ADGRV1: variants seen among roughly 807,000 people sequenced by gnomAD.
ADGRV1 encodes the protein adhesion G protein-coupled receptor V1.
Under a neutral mutation model 596.2 loss-of-function variants are expected in ADGRV1, and 359 were observed. The observed-to-expected ratio is 0.60, with a 90% CI of 0.55 to 0.66. The LOEUF is 0.66. Ranked by LOEUF, ADGRV1 falls within the 30% of genes least tolerant of loss-of-function variation. ADGRV1 has a pLI of 0.00. For missense variants in ADGRV1, 7,274 were observed against 7,575.6 expected, an observed-to-expected ratio of 0.96 and a Z score of 1.48; for synonymous variants, 2,681 against 2,679.2, an observed-to-expected ratio of 1.00 and a Z score of -0.02.
intron 86 of ADGRV1, among the ~76,000 whole-genome samples, chr5:91,081,089 G>T (rs769041148): frequency 1.3e-5 from 2 of 152,086 alleles, no homozygotes; most frequent in African/African-American, 4.8e-5. Flanking sequence ...AGATCAAGGC[G>T]TCAGCTGATT....
intron 85 of ADGRV1, among the ~76,000 whole-genome samples, chr5:91,056,506 G>A (rs775036223): frequency 9.9e-5 from 15 of 152,042 alleles, no homozygotes; most frequent in East Asian, 1.9e-4. Context: ...ACTTCAAAAC[G>A]ACAATTTTTT....
chr5:90,692,671 A>G lies in ADGRV1; in HGVS notation c.7018A>G (p.Ile2340Val), dbSNP rs1245323862. 1.2e-6 allele frequency: 2 copies of G among 1,611,434 alleles called. No homozygotes were observed. The highest frequency in any genetic ancestry group is 1.7e-6 in the Non-Finnish European group (2 of 1,178,796). The part of the protein sequence containing the change: ...GTIGLDRIAN[I>V]IIPANDDPYG... Reference sequence around the variant, plus strand: ...TATTGGGTTAGATCGAATTGCAAATATTATTATTCCTGCCAATGATGATCC... The same window carrying G: ...TATTGGGTTAGATCGAATTGCAAATGTTATTATTCCTGCCAATGATGATCC... The change falls in exon 32 of 90, where the codon ATT becomes GTT. Residue 2340 changes from isoleucine to valine, a missense_variant. Physicochemically the swap from Ile to Val is conservative, Grantham distance 29. Coordinates refer to ENST00000405460, the MANE Select transcript of ADGRV1 (RefSeq NM_032119.4).
At chr5:90,851,697 G>C (rs1766549260) in intron 79 of ADGRV1, among the ~76,000 whole-genome samples, 1 of 152,218 alleles carries the variant, frequency 6.6e-6, no homozygotes, top group African/African-American at 2.4e-5. Flanking sequence ...AAAGCAGACT[G>C]TGGGATTGAT....
At position 91,098,526 on chromosome 5, in the gene ADGRV1, G is replaced by T. The variant is rs146340407; in HGVS notation, c.18311-3693G>T. ...CCCACAAAATCTGGATATGCCTCTG[G>T]ATATGTTTCTTCTATCTGAAATCAT... On this transcript the variant is annotated intron_variant, in intron 86 of 89. Transcript: ENST00000405460. 6.5e-3 allele frequency among the ~76,000 whole-genome samples: 983 copies of T among 152,268 alleles called. 11 individuals carry two copies. Among genetic ancestry groups the T allele is most frequent in the South Asian group, 0.035 (167 of 4,832 alleles).
chr5:90,636,346 T>C (rs1474697391), intron 10 of ADGRV1, among the ~76,000 whole-genome samples: 1 of 152,230 alleles, frequency 6.6e-6, no homozygotes, highest in East Asian at 1.9e-4. Context: ...CAAAGCCTTA[T>C]GTTAAAATAT....
chr5:90,924,562 T>C (rs1774228821), intron 83 of ADGRV1, among the ~76,000 whole-genome samples: 2 of 151,096 alleles, frequency 1.3e-5, no homozygotes, highest in South Asian at 4.2e-4. Flanking sequence ...GTTGTGAAAA[T>C]TTTCTCCCAT....
intron 45 of ADGRV1, 39 bp downstream of exon 45, chr5:90,721,098 A>C: frequency 6.4e-7 from 1 of 1,572,568 alleles, no homozygotes; most frequent in Non-Finnish European, 8.7e-7. Flanking sequence ...TTCTGTAACG[A>C]AAAAATATTG....
chr5:90,651,512 A>G (rs956955045), intron 17 of ADGRV1, 92 bp from the exon 18 acceptor site: 6 of 1,118,722 alleles, frequency 5.4e-6, no homozygotes, highest in Admixed American at 3.0e-5. Flanking sequence ...GAAATTTTCA[A>G]CTTAATTGTA....
chr5:90,845,027 G>T (rs1249330767), intron 78 of ADGRV1, among the ~76,000 whole-genome samples: 5 of 152,130 alleles, frequency 3.3e-5, no homozygotes, highest in African/African-American at 1.2e-4. Context: ...AGTTAACTCT[G>T]TATTTTACTG....
chr5:91,093,959 C>A (rs1283428380), intron 86 of ADGRV1, among the ~76,000 whole-genome samples: 1 of 150,118 alleles, frequency 6.7e-6, no homozygotes, highest in Non-Finnish European at 1.5e-5. Flanking sequence ...TCAAGCAATT[C>A]TCCTGCCTCA....
chr5:90,608,135 T>A (rs1178719061), intron 1 of ADGRV1, among the ~76,000 whole-genome samples: 1 of 151,872 alleles, frequency 6.6e-6, no homozygotes, highest in African/African-American at 2.4e-5. Context: ...AATCAAAGAA[T>A]CGGTAATTAA....
intron 85 of ADGRV1, among the ~76,000 whole-genome samples, chr5:91,002,174 G>A (rs1021591403): frequency 6.6e-6 from 1 of 152,018 alleles, no homozygotes; most frequent in Non-Finnish European, 1.5e-5. Context: ...CTGGTCTTGG[G>A]TGGGCTCCTA....
chr5:90,945,223 T>A (rs192683840), intron 83 of ADGRV1, among the ~76,000 whole-genome samples: 1 of 152,052 alleles, frequency 6.6e-6, no homozygotes, highest in Non-Finnish European at 1.5e-5. Flanking sequence ...CTGAATTTCT[T>A]CCTATTCCAA....
At chr5:91,004,455 ATATCT>A (rs985320103) in intron 85 of ADGRV1, among the ~76,000 whole-genome samples, 1 of 152,158 alleles carries the variant, frequency 6.6e-6, no homozygotes, top group African/African-American at 2.4e-5. Context: ...ATTTCGTAAA[ATATCT>A]TATTCATCTG....
intron 85 of ADGRV1, among the ~76,000 whole-genome samples, chr5:91,019,219 A>G (rs1848484): frequency 0.71 from 108,116 of 151,836 alleles, 39,007 homozygotes; most frequent in African/African-American, 0.84. Context: ...AAATCACATG[A>G]ATTTCAAAGG....
intron 20 of ADGRV1, among the ~76,000 whole-genome samples, chr5:90,656,826 G>A (rs1310510242): frequency 6.6e-6 from 1 of 152,038 alleles, no homozygotes; most frequent in Non-Finnish European, 1.5e-5. Context: ...ATTAGAGTAC[G>A]AACAGGTAAA....
At chr5:91,124,784 G>C (rs1306718442) in intron 87 of ADGRV1, among the ~76,000 whole-genome samples, 1 of 152,142 alleles carries the variant, frequency 6.6e-6, no homozygotes, top group Non-Finnish European at 1.5e-5. Context: ...ATTTAGTTCA[G>C]AGAAATTACA....
rs1466721228 is a variant in ADGRV1 at position 90,716,568 on chromosome 5, G to C, written c.9286G>C (p.Glu3096Gln). 6.2e-7 allele frequency: 1 copy of C among 1,613,756 alleles called. No individual in the cohort carries two copies. The highest frequency in any genetic ancestry group is 1.7e-5 in the Admixed American group (1 of 60,008). Residue 3096 changes from glutamate (E) to glutamine (Q), a missense_variant, in exon 43 of 90, where the codon GAG (glutamate) becomes CAG (glutamine). By Grantham distance (29) the Glu-to-Gln change is conservative. Transcript: ENST00000405460. Reference sequence around the variant, plus strand: ...AGAGCCAACAGCTCTCTACGTCCAGGAGAGTGTTGCAGTATTGTACATTGT... The same window carrying C: ...AGAGCCAACAGCTCTCTACGTCCAGCAGAGTGTTGCAGTATTGTACATTGT... Reference protein sequence around the residue: ...LREPTALYVQESVAVLYIVRE... With the variant: ...LREPTALYVQQSVAVLYIVRE...
intron 85 of ADGRV1, among the ~76,000 whole-genome samples, chr5:91,061,291 C>T (rs1364181450): frequency 1.3e-5 from 2 of 152,164 alleles, no homozygotes; most frequent in African/African-American, 2.4e-5. Flanking sequence ...CTGGAACCTA[C>T]CTGGAATGAA....
Sources: gnomAD v4.1 joint callset for allele counts (sites outside exome capture counted in the v4.1 genomes callset) on GRCh38, gnomAD v4.1.1 for gene constraint, MANE v1.5 for transcripts, NCBI Gene and HGNC (gene_info 2026-07-23, HGNC 2026-07-21) for gene names.